KCNMA1: variants seen among roughly 807,000 people sequenced by gnomAD.
KCNMA1 encodes potassium calcium-activated channel subfamily M alpha 1.
In KCNMA1, 29 loss-of-function variants were observed where a neutral mutation model predicts 140.0. The observed-to-expected ratio is 0.21, with a 90% CI of 0.15 to 0.28. The LOEUF (loss-of-function observed/expected upper bound fraction) is 0.28. Ranked by LOEUF, KCNMA1 falls within the 10% of genes least tolerant of loss-of-function variation. The pLI, the probability that KCNMA1 is intolerant of heterozygous loss-of-function variation, is 1.00. For missense variants in KCNMA1, 880 were observed against 1,602.2 expected (o/e 0.55, Z 7.70); for synonymous variants, 612 against 611.9 (o/e 1.00, Z 0.00).
intron 19 of KCNMA1, among the ~76,000 whole-genome samples, chr10:76,984,261 G>A (rs1374746233): frequency 2.0e-5 from 3 of 151,818 alleles, no homozygotes; most frequent in African/African-American, 7.3e-5. Context: ...GGAATGCAGT[G>A]GTGCAATCTT....
At chr10:77,209,957 A>G (rs914822733) in intron 3 of KCNMA1, among the ~76,000 whole-genome samples, 5 of 151,574 alleles carry the variant, frequency 3.3e-5, no homozygotes, top group African/African-American at 4.8e-5. Flanking sequence ...CCTGGACCAG[A>G]TGGGTTCACA....
At chr10:77,514,847 A>T (rs1294281996) in intron 1 of KCNMA1, among the ~76,000 whole-genome samples, 2 of 150,994 alleles carry the variant, frequency 1.3e-5, no homozygotes, top group Non-Finnish European at 2.9e-5. Context: ...CTGCCTCTTC[A>T]CTCACGTCTA....
At chr10:77,393,029 T>A (rs191014640) in intron 2 of KCNMA1, among the ~76,000 whole-genome samples, 346 of 152,292 alleles carry the variant, frequency 2.3e-3, no homozygotes, top group Non-Finnish European at 4.2e-3. Context: ...CCCAGCCAGC[T>A]CAGGGAGGCT....
intron 3 of KCNMA1, among the ~76,000 whole-genome samples, chr10:77,210,082 A>T (rs889146573): frequency 6.6e-6 from 1 of 152,186 alleles, no homozygotes; most frequent in African/African-American, 2.4e-5. Context: ...CATCATCTTT[A>T]TACCAGAAGA....
intron 23 of KCNMA1, among the ~76,000 whole-genome samples, chr10:76,916,999 T>C (rs2053212618): frequency 6.6e-6 from 1 of 152,256 alleles, no homozygotes; most frequent in South Asian, 2.1e-4. Flanking sequence ...TAAGTCATTT[T>C]GATTGACATT....
At chr10:77,166,952 T>C (rs1439805925) in intron 5 of KCNMA1, among the ~76,000 whole-genome samples, 1 of 152,202 alleles carries the variant, frequency 6.6e-6, no homozygotes, top group Non-Finnish European at 1.5e-5. Context: ...TTCTACATGC[T>C]AGGAACATTG....
chr10:77,584,998 T>C (rs557091525), intron 1 of KCNMA1, among the ~76,000 whole-genome samples: 1 of 152,278 alleles, frequency 6.6e-6, no homozygotes, highest in African/African-American at 2.4e-5. Context: ...CTCACGTTCT[T>C]CTCTGACCCC....
At chr10:77,544,691 C>A (rs1265648637) in intron 1 of KCNMA1, among the ~76,000 whole-genome samples, 1 of 152,190 alleles carries the variant, frequency 6.6e-6, no homozygotes, top group Non-Finnish European at 1.5e-5. Context: ...GTTGAAGAGA[C>A]TGAAGCCCAG....
chr10:77,275,772 T>C (rs2066485862), intron 2 of KCNMA1, among the ~76,000 whole-genome samples: 1 of 152,136 alleles, frequency 6.6e-6, no homozygotes, highest in Non-Finnish European at 1.5e-5. Flanking sequence ...GAGAGGTAGA[T>C]GAGAGGAGCA....
intron 14 of KCNMA1, among the ~76,000 whole-genome samples, chr10:77,053,642 G>T (rs1236336537): frequency 6.6e-6 from 1 of 152,182 alleles, no homozygotes; most frequent in Non-Finnish European, 1.5e-5. Flanking sequence ...AGCACTGTAG[G>T]TAGGGATGCC....
chr10:77,394,692 G>A (rs537074318), intron 2 of KCNMA1, among the ~76,000 whole-genome samples: 130 of 152,330 alleles, frequency 8.5e-4, no homozygotes, highest in Non-Finnish European at 1.4e-3. Context: ...GCTTGGGGAA[G>A]TGAATGTAGA....
chr10:77,133,123 C>A, intron 5 of KCNMA1, among the ~76,000 whole-genome samples: 1 of 133,628 alleles, frequency 7.5e-6, no homozygotes. Flanking sequence ...ATATAAATTC[C>A]ATAGCCTAGA....
Position 77,011,993 on chromosome 10 carries a change from C to T in KCNMA1, c.2066G>A (p.Arg689Lys), listed in dbSNP as rs776535249. 1.2e-6 allele frequency: 2 copies of T among 1,613,790 alleles called. No homozygotes were observed. The highest frequency in any genetic ancestry group is 1.7e-6 in the Non-Finnish European group (2 of 1,179,870). ...ACHDDITDPK[R>K]IKKCGCKRPK... ...CCGTTTGCAGCCACATTTTTTTATTCTTTTGGGATCTGTGATGTCATCATG... is the reference window on the plus strand; with the variant it reads ...CCGTTTGCAGCCACATTTTTTTATTTTTTTGGGATCTGTGATGTCATCATG... The change falls in exon 18 of 28, where the codon AGA (arginine) becomes AAA (lysine). Residue 689 changes from arginine (R) to lysine (K), a missense_variant. Coordinates refer to ENST00000286628, the MANE Select transcript of KCNMA1 (RefSeq NM_001161352.2).
intron 2 of KCNMA1, among the ~76,000 whole-genome samples, chr10:77,341,206 G>T (rs2090843082): frequency 6.6e-6 from 1 of 152,202 alleles, no homozygotes; most frequent in Non-Finnish European, 1.5e-5. Flanking sequence ...TCATAGAATT[G>T]TTGCAAAGAT....
intron 2 of KCNMA1, among the ~76,000 whole-genome samples, chr10:77,262,122 C>A (rs149398096): frequency 6.6e-6 from 1 of 152,242 alleles, no homozygotes; most frequent in East Asian, 1.9e-4. Context: ...TACTTATATG[C>A]CCATGTTTGT....
chr10:77,327,938 T>A (rs1033286250), intron 2 of KCNMA1, among the ~76,000 whole-genome samples: 16 of 152,176 alleles, frequency 1.1e-4, no homozygotes, highest in African/African-American at 3.9e-4. Flanking sequence ...TTGAGTATAA[T>A]AATATTCACA....
chr10:77,442,194 A>T (rs1178524714), intron 1 of KCNMA1, among the ~76,000 whole-genome samples: 2 of 152,088 alleles, frequency 1.3e-5, no homozygotes, highest in East Asian at 3.9e-4. Flanking sequence ...CTGCACCCAC[A>T]TTCAGCCTTC....
chr10:77,379,014 C>T (rs180817870), intron 2 of KCNMA1, among the ~76,000 whole-genome samples: 44 of 152,290 alleles, frequency 2.9e-4, no homozygotes, highest in East Asian at 2.5e-3. Flanking sequence ...GACATTTTGA[C>T]GCCCTTGGTA....
chr10:77,549,763 A>G (rs1256077922), intron 1 of KCNMA1, among the ~76,000 whole-genome samples: 1 of 152,258 alleles, frequency 6.6e-6, no homozygotes, highest in African/African-American at 2.4e-5. Context: ...GAAAGGTTAG[A>G]AAGTCATGCA....
Sources: allele counts gnomAD v4.1 joint callset (sites outside exome capture counted in the v4.1 genomes callset), GRCh38; gene constraint gnomAD v4.1.1; transcripts MANE v1.5; gene names NCBI Gene and HGNC (gene_info 2026-07-23, HGNC 2026-07-21).